TVP23C: variants seen among roughly 807,000 people sequenced by gnomAD.
TVP23C encodes the protein Golgi apparatus membrane protein TVP23 homolog C.
TVP23C carries 19 observed loss-of-function variants against 28.7 expected under a neutral mutation model. The observed-to-expected ratio is 0.66, with a 90% CI of 0.46 to 0.97. TVP23C has a LOEUF of 0.97. TVP23C is among the 50% of genes least tolerant of loss of function. The pLI, the probability that TVP23C is intolerant of heterozygous loss-of-function variation, is 0.00. For missense variants in TVP23C, 186 were observed against 241.3 expected, an observed-to-expected ratio of 0.77 and a Z score of 1.52; for synonymous variants, 68 against 81.7, an observed-to-expected ratio of 0.83 and a Z score of 0.90.
At chr17:15,552,503 G>A (rs1323376200) in intron 3 of TVP23C, among the ~76,000 whole-genome samples, 1 of 152,008 alleles carries the variant, frequency 6.6e-6, no homozygotes, top group African/African-American at 2.4e-5. Context: ...CCAACATGGA[G>A]AAACCCCGTC....
chr17:15,518,507 C>G (rs796819403), intron 5 of TVP23C, among the ~76,000 whole-genome samples: 16 of 152,328 alleles, frequency 1.1e-4, no homozygotes, highest in African/African-American at 3.6e-4. Flanking sequence ...CAGCTGGGCT[C>G]TCAGCAGCTG....
intron 1 of TVP23C, among the ~76,000 whole-genome samples, chr17:15,559,948 C>G: frequency 6.7e-6 from 1 of 149,234 alleles, no homozygotes; most frequent in Non-Finnish European, 1.5e-5. Context: ...ATAAGGTGAG[C>G]CAGGAGGGGG....
downstream of TVP23C, among the ~76,000 whole-genome samples, chr17:15,533,314 G>A (rs1983023322): frequency 6.6e-6 from 1 of 152,176 alleles, no homozygotes; most frequent in East Asian, 1.9e-4. Context: ...TTAGATGCTT[G>A]CATATGTACA....
chr17:15,502,921 A>G (rs758195654), exon 6 of TVP23C: 55 of 1,612,534 alleles, frequency 3.4e-5, no homozygotes, highest in Non-Finnish European at 4.3e-5. Context: ...TTCCTCTGCT[A>G]TTGGGACTCT....
At chr17:15,528,207 CT>C (rs1464482230) in intron 5 of TVP23C, among the ~76,000 whole-genome samples, 1 of 152,028 alleles carries the variant, frequency 6.6e-6, no homozygotes, top group Non-Finnish European at 1.5e-5. Context: ...GATTTGAGAT[CT>C]CTTGTTTAAA....
chr17:15,546,848 C>T (rs1450793301), intron 4 of TVP23C, among the ~76,000 whole-genome samples: 1 of 151,896 alleles, frequency 6.6e-6, no homozygotes, highest in Middle Eastern at 3.2e-3. Context: ...AGTGTCTTCC[C>T]TCAAAGGATT....
intron 3 of TVP23C, among the ~76,000 whole-genome samples, chr17:15,550,601 CTTTTCTA>C (rs1047755101): frequency 6.6e-6 from 1 of 152,102 alleles, no homozygotes; most frequent in African/African-American, 2.4e-5. Context: ...CATCATAATG[CTTTTCTA>C]TTTTCTAATA....
At chr17:15,535,803 C>A (rs1202571784), downstream of TVP23C, among the ~76,000 whole-genome samples, 1 of 152,204 alleles carries the variant, frequency 6.6e-6, no homozygotes, top group African/African-American at 2.4e-5. Context: ...TCAAAGTGCA[C>A]TGTATCGACA....
intron 5 of TVP23C, among the ~76,000 whole-genome samples, chr17:15,523,308 T>A (rs1982563646): frequency 6.8e-6 from 1 of 147,900 alleles, no homozygotes; most frequent in Admixed American, 6.7e-5. Context: ...CCAGGCCTTT[T>A]TTTTCTTTTT....
At chr17:15,514,727 G>A (rs1293240006) in intron 5 of TVP23C, among the ~76,000 whole-genome samples, 2 of 152,074 alleles carry the variant, frequency 1.3e-5, no homozygotes, top group Non-Finnish European at 2.9e-5. Context: ...ACAAAATCTT[G>A]CCATGTCAAA....
chr17:15,541,170 C>G (rs1983397277), intron 5 of TVP23C, among the ~76,000 whole-genome samples: 3 of 152,174 alleles, frequency 2.0e-5, no homozygotes, highest in Admixed American at 2.0e-4. Flanking sequence ...CTATGGTGAT[C>G]CCACTAGGAT....
chr17:15,545,672 C>T (rs1012687251), intron 5 of TVP23C, 113 bp downstream of exon 5: 8 of 1,398,188 alleles, frequency 5.7e-6, no homozygotes, highest in Non-Finnish European at 6.6e-6. Flanking sequence ...CATGATGAAG[C>T]TGCCTATTCA....
At chr17:15,555,242 C>T in intron 2 of TVP23C, 40 bp downstream of exon 2, 1 of 1,613,820 alleles carries the variant, frequency 6.2e-7, no homozygotes, top group Non-Finnish European at 8.5e-7. Context: ...TACAGAACAA[C>T]ACTGGACACT....
At chr17:15,520,167 C>T (rs1344356833) in intron 5 of TVP23C, among the ~76,000 whole-genome samples, 1 of 151,070 alleles carries the variant, frequency 6.6e-6, no homozygotes, top group African/African-American at 2.5e-5. Flanking sequence ...CACCAAAATC[C>T]TCTTTCTCTC....
chr17:15,525,665 CGT>C (rs537223610), intron 5 of TVP23C, among the ~76,000 whole-genome samples: 39 of 151,530 alleles, frequency 2.6e-4, no homozygotes, highest in African/African-American at 9.4e-4. Context: ...AATCTCTCTC[CGT>C]GTGTGTGTGT....
chr17:15,505,774 C>T (rs1310075730), intron 5 of TVP23C, among the ~76,000 whole-genome samples: 5 of 148,644 alleles, frequency 3.4e-5, no homozygotes, highest in African/African-American at 1.0e-4. Flanking sequence ...GTGGGCTTGG[C>T]GGGCCCCGCA....
intron 1 of TVP23C, among the ~76,000 whole-genome samples, chr17:15,559,696 T>C (rs1431008170): frequency 6.8e-6 from 1 of 147,770 alleles, no homozygotes; most frequent in Non-Finnish European, 1.5e-5. Flanking sequence ...GCAGTGGAGG[T>C]GATGAGAAAT....
intron 1 of TVP23C, among the ~76,000 whole-genome samples, chr17:15,555,694 G>C: frequency 6.6e-6 from 1 of 152,052 alleles, no homozygotes; most frequent in East Asian, 1.9e-4. Flanking sequence ...AGAGCAAGCC[G>C]AGGCTACTGG....
chr17:15,560,286 C>T (rs2150864342), intron 1 of TVP23C, among the ~76,000 whole-genome samples: 1 of 148,768 alleles, frequency 6.7e-6, no homozygotes, highest in Middle Eastern at 3.5e-3. Flanking sequence ...GGATGGTCTC[C>T]ATCTCTTGAC....
Sources: gnomAD v4.1 joint callset for allele counts (sites outside exome capture counted in the v4.1 genomes callset) on GRCh38, gnomAD v4.1.1 for gene constraint, MANE v1.5 for transcripts, NCBI Gene and HGNC (gene_info 2026-07-23, HGNC 2026-07-21) for gene names.